The following PRKCG variants were observed in gnomAD, a reference collection of about 807,000 sequenced individuals.
PRKCG encodes the protein protein kinase C gamma type.
A neutral mutation model predicts 82.0 loss-of-function variants in PRKCG; 28 were observed. That is an observed-to-expected ratio of 0.34 (90% CI 0.25 to 0.47). The LOEUF (loss-of-function observed/expected upper bound fraction) is 0.47, where lower values mean the gene tolerates loss of function less well. Among genes scored for constraint, PRKCG ranks in the 20% least tolerant of loss-of-function variants. The pLI is 1.00. For missense variants in PRKCG, 640 were observed against 952.7 expected, an observed-to-expected ratio of 0.67 and a Z score of 4.32; for synonymous variants, 383 against 376.6, an observed-to-expected ratio of 1.02 and a Z score of -0.20.
At chr19:53,901,498 C>G (rs553714970) in intron 14 of PRKCG, among the ~76,000 whole-genome samples, 1 of 142,626 alleles carries the variant, frequency 7.0e-6, no homozygotes, top group Non-Finnish European at 1.5e-5. Context: ...GAGCTGAGAT[C>G]ACACCACTGC....
intron 11 of PRKCG, among the ~76,000 whole-genome samples, chr19:53,899,541 A>G (rs1291654054): frequency 6.6e-6 from 1 of 151,674 alleles, no homozygotes; most frequent in African/African-American, 2.4e-5. Flanking sequence ...GCTCCGAATG[A>G]GAGTGGCCAG....
chr19:53,906,223 C>T (rs2068809323), intron 16 of PRKCG, 94 bp from the exon 17 acceptor site: 13 of 1,496,186 alleles, frequency 8.7e-6, no homozygotes, highest in Admixed American at 5.9e-5. Flanking sequence ...TCTCTTGGTT[C>T]CTCCATCTGC....
intron 3 of PRKCG, among the ~76,000 whole-genome samples, chr19:53,886,969 T>C (rs1280878313): frequency 1.3e-5 from 2 of 152,230 alleles, no homozygotes; most frequent in Non-Finnish European, 2.9e-5. Flanking sequence ...AGCCAAAATA[T>C]TATTTTTTAT....
rs767684689 is a variant in PRKCG at position 53,892,692 on chromosome 19, C to T, written c.821+49C>T. The T allele has an allele frequency of 1.3e-6, 2 of 1,590,064 alleles. No individual in the cohort carries two copies. Among genetic ancestry groups the T allele is most frequent in the South Asian group, 1.1e-5 (1 of 89,616 alleles). On this transcript the variant is annotated intron_variant, in intron 7 of 17. Coordinates refer to ENST00000263431, the MANE Select transcript of PRKCG (RefSeq NM_002739.5). This position sits in a 1 kb window ranked among gnomAD's most constrained non-coding sequence, Gnocchi z 5.9. ...GGGATGGAGCGCAATATTACCATCT[C>T]CATCTGTGTGTGGTCTCTCTCCTCC...
At chr19:53,898,375 A>G (rs2068732819) in intron 10 of PRKCG, 65 bp from the exon 11 acceptor site, 2 of 1,585,162 alleles carry the variant, frequency 1.3e-6, no homozygotes, top group East Asian at 4.5e-5. Flanking sequence ...TCCCTTAGGG[A>G]GGGGGCAGGT....
At chr19:53,906,228 A>G in intron 16 of PRKCG, 89 bp from the exon 17 acceptor site, 1 of 1,512,920 alleles carries the variant, frequency 6.6e-7, no homozygotes, top group Non-Finnish European at 8.9e-7. Flanking sequence ...TGGTTCCTCC[A>G]TCTGCCTGTC....
chr19:53,902,997 C>T (rs2068776485), intron 14 of PRKCG, 76 bp from the exon 15 acceptor site: 2 of 1,073,114 alleles, frequency 1.9e-6, no homozygotes, highest in African/African-American at 1.6e-5. Context: ...GGGTAGCGCT[C>T]CCAGGGGGTG....
intron 14 of PRKCG, among the ~76,000 whole-genome samples, chr19:53,901,849 CAAAAAAAA>C (rs752402468): frequency 1.4e-5 from 1 of 69,086 alleles, no homozygotes; most frequent in Non-Finnish European, 3.5e-5. Flanking sequence ...GACCCTGTCT[CAAAAAAAA>C]AAAAAAAAAG....
Position 53,900,930 on chromosome 19 carries a change from G to C in PRKCG, c.1575+181G>C, listed in dbSNP as rs1375620485. Reference sequence around the variant, plus strand: ...GGTGAGCTTGGCACTGAGCCTGCCAGGTGGGCCCAGCTGGGTCTCTAAATA... The same window carrying C: ...GGTGAGCTTGGCACTGAGCCTGCCACGTGGGCCCAGCTGGGTCTCTAAATA... On this transcript the variant is annotated intron_variant, in intron 14 of 17. Coordinates refer to ENST00000263431, the MANE Select transcript of PRKCG (RefSeq NM_002739.5). The surrounding 1 kb of genome is among the most constrained non-coding windows in gnomAD (Gnocchi z 4.2). Among the ~76,000 whole-genome samples the C allele has an allele frequency of 1.3e-5, 2 of 152,350 alleles. No homozygotes were observed. The highest frequency in any genetic ancestry group is 3.9e-4 in the East Asian group (2 of 5,180).
At chr19:53,898,975 G>A (rs571251042) in intron 11 of PRKCG, among the ~76,000 whole-genome samples, 3 of 141,974 alleles carry the variant, frequency 2.1e-5, no homozygotes, top group East Asian at 2.2e-4. Context: ...GAAATCTTTG[G>A]GGGGGTGGTT....
At chr19:53,897,879 G>A (rs2068728697) in intron 9 of PRKCG, 80 bp from the exon 10 acceptor site, 1 of 1,588,756 alleles carries the variant, frequency 6.3e-7, no homozygotes, top group Non-Finnish European at 8.6e-7. Context: ...CCTTTCTTGG[G>A]TGCTGTGTCT....
At chr19:53,888,009 T>C (rs918306440) in intron 3 of PRKCG, among the ~76,000 whole-genome samples, 1 of 152,128 alleles carries the variant, frequency 6.6e-6, no homozygotes, top group Non-Finnish European at 1.5e-5. Context: ...TGAACTCTGA[T>C]GTATGTAACC....
rs1418679303 is a variant in PRKCG, at chr19:53,889,712, C to T, written c.360C>T (p.Leu120=). 6.2e-7 allele frequency: 1 copy of T among 1,614,168 alleles called. No individual in the cohort carries two copies. Among genetic ancestry groups the T allele is most frequent in the Admixed American group, 1.7e-5 (1 of 60,024 alleles). The change falls in exon 4 of 18, where the codon CTC becomes CTT. Residue 120 remains leucine, a synonymous_variant. Transcript: ENST00000263431. This position sits in a 1 kb window ranked among gnomAD's most constrained non-coding sequence, Gnocchi z 4.4. ...CCTTCTGCGACCACTGTGGCTCCCT[C>T]CTCTACGGGCTTGTGCACCAGGGCA... ...SPTFCDHCGS[L]LYGLVHQGMK...
intron 11 of PRKCG, among the ~76,000 whole-genome samples, chr19:53,899,098 G>A (rs866046497): frequency 1.3e-5 from 2 of 151,024 alleles, no homozygotes; most frequent in Non-Finnish European, 3.0e-5. Flanking sequence ...TATCCAGGCA[G>A]GTAGATTCTT....
chr19:53,882,522 GA>G lies in PRKCG; in HGVS notation c.29del (p.Asp10ValfsTer16). 1 of 1,614,166 alleles carries G rather than the reference GA, an allele frequency of 6.2e-7. No homozygotes were observed. The highest frequency in any genetic ancestry group is 8.5e-7 in the Non-Finnish European group (1 of 1,180,010). On this transcript the variant is annotated frameshift_variant, in exon 1 of 18. Coordinates refer to ENST00000263431, the MANE Select transcript of PRKCG (RefSeq NM_002739.5). LOFTEE classifies it high-confidence loss of function. This position sits in a 1 kb window ranked among gnomAD's most constrained non-coding sequence, Gnocchi z 6.1. ...GGCTGGTCTGGGCCCCGGCGTAGGC[GA>G]TTCAGAGGGGGGACCCCGGCCCCTG... is the stretch of plus-strand genomic sequence containing the variant. MAGLGPGVG[D>X]SEGGPRPLFC...
In PRKCG at chr19:53,898,099, C is replaced by A. The variant is rs773740770; in HGVS notation, c.1080C>A (p.Gly360=). 1.9e-6 allele frequency: 3 copies of A among 1,613,950 alleles called. No individual in the cohort carries two copies. Among genetic ancestry groups the A allele is most frequent in the Non-Finnish European group, 2.5e-6 (3 of 1,179,996 alleles). ...GCTTCCTCATGGTTCTAGGAAAAGG[C>A]AGTTTTGGGAAGGTTGGATTCCTGG... ...DFSFLMVLGK[G]SFGKVMLAER... is the part of the protein sequence containing the mutation. Residue 360 remains glycine, a synonymous_variant, in exon 10 of 18, where the codon GGC becomes GGA. Coordinates refer to ENST00000263431, the MANE Select transcript of PRKCG (RefSeq NM_002739.5).
chr19:53,904,582 G>A, intron 15 of PRKCG, 53 bp from the exon 16 acceptor site: 1 of 1,525,306 alleles, frequency 6.6e-7, no homozygotes, highest in Non-Finnish European at 9.0e-7. Flanking sequence ...TGGAAGGTTT[G>A]GGGAAAGGCA....
Position 53,907,192 on chromosome 19 carries a change from A to C in PRKCG, c.*297A>C. The C allele has an allele frequency of 1.2e-5, 6 of 511,872 alleles. No homozygotes were observed. The highest frequency in any genetic ancestry group is 1.4e-5 in the Non-Finnish European group (4 of 287,610). The allele number at this position is 511,872 out of a possible 1,614,324, so 31.7% of individuals were successfully genotyped here. A position where few individuals can be genotyped will look rare whatever the true frequency, so the allele number is the denominator to read the frequency against. On this transcript the variant is annotated 3_prime_UTR_variant, in exon 18 of 18. Coordinates refer to ENST00000263431, the MANE Select transcript of PRKCG (RefSeq NM_002739.5). ...AGAGACCACACCACTAACCATCCCC[A>C]ACTCCATGGGGTTCGAGACTCCATC...
chr19:53,897,820 C>A, intron 9 of PRKCG, 139 bp from the exon 10 acceptor site: 2 of 1,105,736 alleles, frequency 1.8e-6, no homozygotes, highest in Non-Finnish European at 2.7e-6. Flanking sequence ...AAGCCAAGGA[C>A]AGGGTAGGAG....
Sources: allele counts gnomAD v4.1 joint callset (sites outside exome capture counted in the v4.1 genomes callset), GRCh38; gene constraint gnomAD v4.1.1; non-coding constraint Gnocchi (gnomAD v3.1); transcripts MANE v1.5; gene names NCBI Gene and HGNC (gene_info 2026-07-23, HGNC 2026-07-21).